PCDHA8: variants seen among roughly 807,000 people sequenced by gnomAD.
The protein encoded by PCDHA8 is protocadherin alpha-8.
PCDHA8 carries 53 observed loss-of-function variants against 61.8 expected under a neutral mutation model. The ratio of observed to expected loss-of-function variants is 0.86; its 90% CI spans 0.69 to 1.08. The LOEUF is 1.08. PCDHA8 is among the 50% of genes least tolerant of loss of function. The pLI is 0.00. For synonymous variants in PCDHA8, 618 were observed against 556.6 expected, an observed-to-expected ratio of 1.11 and a Z score of -1.55; for missense variants, 1,293 against 1,245.0, an observed-to-expected ratio of 1.04 and a Z score of -0.58.
Position 140,857,291 on chromosome 5 carries a change from G to A in PCDHA8, c.2394+13576G>A. 7 of 1,598,730 alleles carry A rather than the reference G, an allele frequency of 4.4e-6. 1 individual carries two copies. Among genetic ancestry groups the A allele is most frequent in the East Asian group, 4.5e-5 (2 of 44,850 alleles). On this transcript the variant is annotated intron_variant, in intron 1 of 3. Transcript: ENST00000531613. ...GGTGCTGGACAGCGCTCTGGACCGC[G>A]AGAGGGTGTCGGCCTATGAGCTGGT...
intron 1 of PCDHA8, chr5:140,877,883 A>T: frequency 1.4e-6 from 2 of 1,460,312 alleles, no homozygotes; most frequent in East Asian, 2.5e-5. Context: ...TCCTTGAAGA[A>T]CTTCCGTTTA....
Position 141,010,391 on chromosome 5 carries a change from C to T in PCDHA8, c.*454C>T, listed in dbSNP as rs976643195. The T allele has an allele frequency of 2.2e-5, 30 of 1,386,642 alleles. No homozygotes were observed. Among genetic ancestry groups the T allele is most frequent in the South Asian group, 2.9e-5 (2 of 68,924 alleles). The allele number at this position is 1,386,642 out of a possible 1,614,324, so 85.9% of individuals were successfully genotyped here. A position where few individuals can be genotyped will look rare whatever the true frequency, so the allele number is the denominator to read the frequency against. The stretch of plus-strand genomic sequence containing the variant: ...TGCGAGTGCCAGATATTGGCTGAGA[C>T]GAGCCAGCTTAGACTAATTGGTACA... On this transcript the variant is annotated 3_prime_UTR_variant, in exon 4 of 4. Transcript: ENST00000531613.
At chr5:140,884,104 G>A in intron 1 of PCDHA8, 3 of 1,613,464 alleles carry the variant, frequency 1.9e-6, no homozygotes, top group African/African-American at 1.3e-5. Flanking sequence ...ATGAATTGCA[G>A]CTGGCGGCGG....
intron 1 of PCDHA8, among the ~76,000 whole-genome samples, chr5:140,909,815 C>A (rs1168197798): frequency 3.9e-5 from 6 of 152,094 alleles, no homozygotes; most frequent in Non-Finnish European, 8.8e-5. Flanking sequence ...ACTCCATAAG[C>A]CCCTACTTTA....
intron 1 of PCDHA8, chr5:140,869,866 G>A (rs1165429955): frequency 1.9e-6 from 3 of 1,610,400 alleles, no homozygotes; most frequent in Non-Finnish European, 1.7e-6. Flanking sequence ...TATGGAAAAT[G>A]CTGCTAAAGA....
chr5:140,956,953 C>G (rs1347983778), intron 1 of PCDHA8, among the ~76,000 whole-genome samples: 1 of 135,202 alleles, frequency 7.4e-6, no homozygotes, highest in Non-Finnish European at 1.7e-5. Flanking sequence ...CATTAAAACA[C>G]TGTAATTAAT....
Position 140,852,587 on chromosome 5 carries a change from T to TTA in PCDHA8, c.2394+8873_2394+8874insAT, listed in dbSNP as rs201827177. On this transcript the variant is annotated intron_variant, in intron 1 of 3. Coordinates refer to ENST00000531613, the MANE Select transcript of PCDHA8 (RefSeq NM_018911.3). ...CACTGTGCCAAGGCTTTTTTATTTTTTTTTTTTGTCATTTTCTTTCAAAAC... is the reference window on the plus strand; with the variant it reads ...CACTGTGCCAAGGCTTTTTTATTTTTTATTTTTTTGTCATTTTCTTTCAAAAC... The TTA allele has an allele frequency of 1.9e-3, 1,677 of 881,866 alleles. 105 individuals carry two copies. The African/African-American group carries it at 0.023, about 12-fold the overall frequency. 54.6% of individuals were successfully genotyped at this position (881,866 alleles called of 1,614,324 possible). A position where few individuals can be genotyped will look rare whatever the true frequency, so the allele number is the denominator to read the frequency against.
At chr5:140,870,819 G>A (rs1365807310) in intron 1 of PCDHA8, 2 of 1,613,712 alleles carry the variant, frequency 1.2e-6, no homozygotes, top group Admixed American at 3.3e-5. Flanking sequence ...CTGGCAGCGC[G>A]GGAGGCGCAG....
At chr5:140,907,239 C>T (rs1447900433) in intron 1 of PCDHA8, among the ~76,000 whole-genome samples, 1 of 152,200 alleles carries the variant, frequency 6.6e-6, no homozygotes, top group Non-Finnish European at 1.5e-5. Context: ...ACCTAGTTGA[C>T]ATTGTAATTG....
Position 140,913,941 on chromosome 5 carries a change from C to T in PCDHA8, c.2395-65008C>T, listed in dbSNP as rs950871389. ...TACTTCATTGTGGTCAGAGAAGAAT[C>T]TTGATATGATATCATTTTTAAAAAA... On this transcript the variant is annotated intron_variant, in intron 1 of 3. Transcript: ENST00000531613. Among the ~76,000 whole-genome samples, 3 of 152,102 alleles carry T rather than the reference C, an allele frequency of 2.0e-5. No homozygotes were observed. In the East Asian group the frequency reaches 5.8e-4, roughly 29 times the overall value.
intron 1 of PCDHA8, among the ~76,000 whole-genome samples, chr5:140,898,022 T>A (rs1235447722): frequency 6.6e-6 from 1 of 152,202 alleles, no homozygotes; most frequent in Non-Finnish European, 1.5e-5. Flanking sequence ...CTTTGCCCAC[T>A]TTTTGATGGG....
At chr5:140,920,960 A>C (rs1554200006) in intron 1 of PCDHA8, among the ~76,000 whole-genome samples, 1 of 151,930 alleles carries the variant, frequency 6.6e-6, no homozygotes, top group Admixed American at 6.6e-5. Flanking sequence ...CTACACATGT[A>C]GTACTAGAGT....
At chr5:140,898,706 G>T (rs1554188200) in intron 1 of PCDHA8, among the ~76,000 whole-genome samples, 1 of 152,170 alleles carries the variant, frequency 6.6e-6, no homozygotes, top group Admixed American at 6.5e-5. Context: ...CTTTAAAGTA[G>T]TTTTTTCCAA....
chr5:140,850,243 G>T lies in PCDHA8; in HGVS notation c.2394+6528G>T, dbSNP rs2150475215. 2 of 1,593,880 alleles carry T rather than the reference G, an allele frequency of 1.3e-6. No homozygotes were observed. The highest frequency in any genetic ancestry group is 1.3e-5 in the African/African-American group (1 of 74,400). ...GGCGCAGTGAGCGAGATGGTGCTGC[G>T]GTCGGTGGGCGCCGGCGTAGTGGTG... On this transcript the variant is annotated intron_variant, in intron 1 of 3. Transcript: ENST00000531613.
rs2150353812 is a variant in PCDHA8, at chr5:140,843,145, G to T, written c.1824G>T (p.Ser608=). ...DADSGYNAWL[S]YELQPAASSP... ...ACTCGGGCTACAACGCGTGGCTTTCGTATGAGCTGCAGCCAGCTGCAAGCA... is the reference window on the plus strand; with the variant it reads ...ACTCGGGCTACAACGCGTGGCTTTCTTATGAGCTGCAGCCAGCTGCAAGCA... The change falls in exon 1 of 4, where the codon TCG becomes TCT. Residue 608 remains serine (S), a synonymous_variant. Coordinates refer to ENST00000531613, the MANE Select transcript of PCDHA8 (RefSeq NM_018911.3). 3.8e-6 allele frequency: 6 copies of T among 1,596,072 alleles called. 1 individual carries two copies. Among genetic ancestry groups the T allele is most frequent in the Middle Eastern group, 3.4e-4 (2 of 5,956 alleles).
chr5:140,905,632 G>GCCA (rs2071986222), intron 1 of PCDHA8, among the ~76,000 whole-genome samples: 1 of 152,106 alleles, frequency 6.6e-6, no homozygotes, highest in South Asian at 2.1e-4. Flanking sequence ...TGACAGTATG[G>GCCA]TCAGTTTCAC....
intron 1 of PCDHA8, among the ~76,000 whole-genome samples, chr5:140,933,949 G>A (rs184768008): frequency 6.6e-6 from 1 of 151,792 alleles, no homozygotes; most frequent in African/African-American, 2.4e-5. Flanking sequence ...CACATCTGCA[G>A]GATCTGTAGT....
At chr5:140,892,702 A>G (rs1391662001) in intron 1 of PCDHA8, among the ~76,000 whole-genome samples, 1 of 152,240 alleles carries the variant, frequency 6.6e-6, no homozygotes, top group Admixed American at 6.5e-5. Flanking sequence ...AAATCAGGGT[A>G]ATTAGCATAT....
chr5:140,876,637 C>T, intron 1 of PCDHA8: 1 of 1,614,206 alleles, frequency 6.2e-7, no homozygotes, highest in Non-Finnish European at 8.5e-7. Context: ...CATCTGCTCA[C>T]TGACACCTCA....
Sources: allele counts gnomAD v4.1 joint callset (sites outside exome capture counted in the v4.1 genomes callset), GRCh38; gene constraint gnomAD v4.1.1; transcripts MANE v1.5; gene names NCBI Gene and HGNC (gene_info 2026-07-23, HGNC 2026-07-21).